KAT2B: variants seen among roughly 807,000 people sequenced by gnomAD.
KAT2B encodes the protein histone acetyltransferase KAT2B.
In KAT2B, 36 loss-of-function variants were observed where a neutral mutation model predicts 105.9. That is an observed-to-expected ratio of 0.34 (90% CI 0.26 to 0.45). KAT2B has a LOEUF of 0.45. KAT2B is among the 20% of genes least tolerant of loss of function. KAT2B has a pLI of 1.00. For missense variants in KAT2B, 820 were observed against 1,021.6 expected (o/e 0.80, Z 2.69); for synonymous variants, 397 against 377.9 (o/e 1.05, Z -0.59).
intron 1 of KAT2B, among the ~76,000 whole-genome samples, chr3:20,061,000 T>C (rs1698090602): frequency 6.6e-6 from 1 of 152,198 alleles, no homozygotes; most frequent in Non-Finnish European, 1.5e-5. Flanking sequence ...ATCTAAAGTT[T>C]ACCATCTGAA....
chr3:20,075,693 C>T (rs1347580820), intron 2 of KAT2B, among the ~76,000 whole-genome samples: 2 of 152,088 alleles, frequency 1.3e-5, no homozygotes, highest in Non-Finnish European at 2.9e-5. Context: ...ATGCACATTG[C>T]AAGGTTTGGG....
Position 20,122,989 on chromosome 3 carries a change from G to A in KAT2B, c.1413+185G>A, listed in dbSNP as rs3828350. ...TGATCAAGAGGTAATTCCCCTTGAT[G>A]AATATCACATCACAGGTCCACTTAC... On this transcript the variant is annotated intron_variant, in intron 9 of 17. Coordinates refer to ENST00000263754, the MANE Select transcript of KAT2B (RefSeq NM_003884.5). The A allele has an allele frequency of 0.013, 12,529 of 965,598 alleles. 753 individuals carry two copies. In the East Asian group the frequency reaches 0.22, roughly 17 times the overall value. 59.8% of individuals were successfully genotyped at this position (965,598 alleles called of 1,614,324 possible). A position where few individuals can be genotyped will look rare whatever the true frequency, so the allele number is the denominator to read the frequency against.
At chr3:20,042,642 C>G (rs756143984) in intron 1 of KAT2B, among the ~76,000 whole-genome samples, 1 of 152,204 alleles carries the variant, frequency 6.6e-6, no homozygotes, top group Non-Finnish European at 1.5e-5. Context: ...TCTGTTCTGG[C>G]TTTATTTTAA....
intron 2 of KAT2B, among the ~76,000 whole-genome samples, chr3:20,074,131 T>G (rs1698377021): frequency 6.6e-6 from 1 of 152,214 alleles, no homozygotes; most frequent in Non-Finnish European, 1.5e-5. Flanking sequence ...GGCAAATCCA[T>G]GCCAGAAATT....
At chr3:20,064,641 G>A (rs1698194140) in intron 1 of KAT2B, among the ~76,000 whole-genome samples, 1 of 152,184 alleles carries the variant, frequency 6.6e-6, no homozygotes, top group South Asian at 2.1e-4. Context: ...GGTAGAATGA[G>A]TAACCCCAGG....
At chr3:20,095,971 G>A (rs1305499825) in intron 3 of KAT2B, among the ~76,000 whole-genome samples, 1 of 152,140 alleles carries the variant, frequency 6.6e-6, no homozygotes, top group East Asian at 1.9e-4. Flanking sequence ...GTGGGAGATA[G>A]GAGCCATCTG....
intron 17 of KAT2B, among the ~76,000 whole-genome samples, chr3:20,150,423 C>T (rs1699852575): frequency 1.3e-5 from 2 of 152,100 alleles, no homozygotes; most frequent in South Asian, 4.1e-4. Context: ...GGGATCTAAC[C>T]TGTTTTACTT....
intron 4 of KAT2B, among the ~76,000 whole-genome samples, chr3:20,100,358 C>G (rs1698889250): frequency 1.3e-5 from 2 of 151,982 alleles, no homozygotes; most frequent in Non-Finnish European, 2.9e-5. Context: ...CATTGTAAGT[C>G]AAGCAAAAAA....
intron 3 of KAT2B, among the ~76,000 whole-genome samples, chr3:20,096,155 A>G (rs192141152): frequency 1.3e-5 from 2 of 152,236 alleles, no homozygotes; most frequent in East Asian, 3.9e-4. Flanking sequence ...TGTAAGTCCT[A>G]TCTCTAATGC....
chr3:20,055,643 G>A (rs936040822), intron 1 of KAT2B, among the ~76,000 whole-genome samples: 1 of 152,034 alleles, frequency 6.6e-6, no homozygotes, highest in Non-Finnish European at 1.5e-5. Flanking sequence ...TGGGGTGGGG[G>A]GTATGAGTGT....
At chr3:20,097,581 G>C (rs886692829) in intron 3 of KAT2B, among the ~76,000 whole-genome samples, 3 of 152,042 alleles carry the variant, frequency 2.0e-5, no homozygotes, top group Non-Finnish European at 2.9e-5. Context: ...CTGTCATCCA[G>C]GCTAGAGTGA....
At chr3:20,060,671 T>C (rs555821830) in intron 1 of KAT2B, among the ~76,000 whole-genome samples, 2 of 152,208 alleles carry the variant, frequency 1.3e-5, no homozygotes, top group East Asian at 1.9e-4. Flanking sequence ...TGGCCTGTAA[T>C]CTTAGTACTT....
chr3:20,128,252 A>G (rs1699446048), intron 11 of KAT2B, among the ~76,000 whole-genome samples: 1 of 152,224 alleles, frequency 6.6e-6, no homozygotes, highest in African/African-American at 2.4e-5. Context: ...ACATGTAATC[A>G]CAATTAGTGA....
At chr3:20,086,402 T>TA in intron 2 of KAT2B, among the ~76,000 whole-genome samples, 1 of 152,182 alleles carries the variant, frequency 6.6e-6, no homozygotes, top group African/African-American at 2.4e-5. Flanking sequence ...AGTTCAAGAC[T>TA]AGCCTGGGCA....
At chr3:20,079,353 C>T (rs1245801656) in intron 2 of KAT2B, among the ~76,000 whole-genome samples, 1 of 151,854 alleles carries the variant, frequency 6.6e-6, no homozygotes, top group Non-Finnish European at 1.5e-5. Flanking sequence ...TACAGGCACC[C>T]ACCACCATGC....
chr3:20,131,287 T>C (rs781129104), intron 11 of KAT2B, among the ~76,000 whole-genome samples: 10 of 152,064 alleles, frequency 6.6e-5, no homozygotes, highest in Non-Finnish European at 1.5e-4. Flanking sequence ...AGTGCTGGGA[T>C]TACAGTTGTG....
intron 7 of KAT2B, among the ~76,000 whole-genome samples, chr3:20,115,256 G>A (rs1472220064): frequency 6.6e-6 from 1 of 152,190 alleles, no homozygotes; most frequent in African/African-American, 2.4e-5. Flanking sequence ...AGTGAAAGCG[G>A]CAGTCTTGAG....
At chr3:20,078,173 C>G (rs1355223243) in intron 2 of KAT2B, among the ~76,000 whole-genome samples, 1 of 151,728 alleles carries the variant, frequency 6.6e-6, no homozygotes. Context: ...GAGTGAGGCC[C>G]TGTCTCAAAA....
chr3:20,064,776 G>T (rs1698195960), intron 1 of KAT2B, among the ~76,000 whole-genome samples: 1 of 152,174 alleles, frequency 6.6e-6, no homozygotes, highest in South Asian at 2.1e-4. Context: ...AATAAATGTT[G>T]GATCAGTTAT....
Sources: gnomAD v4.1 joint callset for allele counts (sites outside exome capture counted in the v4.1 genomes callset) on GRCh38, gnomAD v4.1.1 for gene constraint, MANE v1.5 for transcripts, NCBI Gene and HGNC (gene_info 2026-07-23, HGNC 2026-07-21) for gene names.